ANO2: variants seen among roughly 807,000 people sequenced by gnomAD.
ANO2 encodes anoctamin-2.
A neutral mutation model predicts 124.2 loss-of-function variants in ANO2; 101 were observed. That is an observed-to-expected ratio of 0.81 (90% CI 0.69 to 0.96). The LOEUF (loss-of-function observed/expected upper bound fraction) is 0.96, where lower values mean the gene tolerates loss of function less well. ANO2 is among the 40% of genes least tolerant of loss of function. The pLI is 0.00. For missense variants in ANO2, 1,293 were observed against 1,274.5 expected (o/e 1.01, Z -0.22); for synonymous variants, 486 against 482.5 (o/e 1.01, Z -0.09).
chr12:5,916,731 AAAAAC>A (rs961441160), intron 3 of ANO2, among the ~76,000 whole-genome samples: 7 of 84,680 alleles, frequency 8.3e-5, no homozygotes, highest in East Asian at 3.2e-3. Context: ...ATTTAAAAAA[AAAAAC>A]AAAACACTGT....
intron 15 of ANO2, among the ~76,000 whole-genome samples, chr12:5,643,063 T>TACACACAC (rs67252256): frequency 0.016 from 2,330 of 150,074 alleles, 63 homozygotes; most frequent in African/African-American, 0.054. Flanking sequence ...AAATCCATTT[T>TACACACAC]ACACACACAC....
intron 2 of ANO2, among the ~76,000 whole-genome samples, chr12:5,921,611 T>A (rs149769720): frequency 6.6e-6 from 1 of 152,156 alleles, no homozygotes; most frequent in African/African-American, 2.4e-5. Flanking sequence ...TGCTCCAGCA[T>A]CCATGCACAC....
chr12:5,576,152 T>C, intron 22 of ANO2, 137 bp from the exon 23 acceptor site: 2 of 835,252 alleles, frequency 2.4e-6, no homozygotes, highest in Non-Finnish European at 1.7e-6. Context: ...CCTGAGCTCA[T>C]GCAGCTGAGT....
At chr12:5,724,301 T>C (rs1469075076) in intron 14 of ANO2, among the ~76,000 whole-genome samples, 1 of 152,088 alleles carries the variant, frequency 6.6e-6, no homozygotes, top group East Asian at 1.9e-4. Flanking sequence ...ATTCTTTATG[T>C]TTTTGACCCT....
At chr12:5,667,194 C>T (rs894085988) in intron 14 of ANO2, among the ~76,000 whole-genome samples, 2 of 152,154 alleles carry the variant, frequency 1.3e-5, no homozygotes, top group African/African-American at 4.8e-5. Flanking sequence ...AAACCATAAC[C>T]TTAAGTACAA....
chr12:5,735,667 G>C (rs1344177782), intron 13 of ANO2, among the ~76,000 whole-genome samples: 1 of 152,186 alleles, frequency 6.6e-6, no homozygotes, highest in Non-Finnish European at 1.5e-5. Flanking sequence ...TGTTTTCACT[G>C]AGACACAAAA....
chr12:5,627,017 C>T (rs1945447333), intron 16 of ANO2, among the ~76,000 whole-genome samples: 1 of 152,196 alleles, frequency 6.6e-6, no homozygotes, highest in Admixed American at 6.5e-5. Context: ...GAGATGTGTT[C>T]ATGGTCACAG....
intron 3 of ANO2, among the ~76,000 whole-genome samples, chr12:5,873,776 G>A (rs765516691): frequency 3.9e-5 from 6 of 152,246 alleles, no homozygotes; most frequent in Non-Finnish European, 8.8e-5. Context: ...CTTTGTGCAG[G>A]GGTGGTGAAG....
rs1426879581 is a variant in ANO2, at chr12:5,633,891, T to C, written c.1816+1261A>G. Reference sequence around the variant, plus strand: ...CACTTGGTTTCCTTTGCCAGGAATCTTCCTCTCCTCCTGCCCATCCCCTCC... The same window carrying C: ...CACTTGGTTTCCTTTGCCAGGAATCCTCCTCTCCTCCTGCCCATCCCCTCC... On this transcript the variant is annotated intron_variant, in intron 16 of 24. Transcript: ENST00000682330. Among the ~76,000 whole-genome samples, 4 of 152,142 alleles carry C rather than the reference T, an allele frequency of 2.6e-5. No individual in the cohort carries two copies. The East Asian group carries it at 5.8e-4, about 22-fold the overall frequency.
intron 13 of ANO2, among the ~76,000 whole-genome samples, chr12:5,734,367 T>C (rs896400331): frequency 3.3e-5 from 5 of 152,234 alleles, no homozygotes; most frequent in African/African-American, 1.2e-4. Context: ...ATTATTCCAA[T>C]GGGAGATTTT....
intron 3 of ANO2, among the ~76,000 whole-genome samples, chr12:5,868,062 C>T (rs1013290538): frequency 6.6e-5 from 10 of 151,912 alleles, no homozygotes; most frequent in African/African-American, 2.4e-4. Flanking sequence ...TAAAAGAGTA[C>T]AATTGGATTG....
At chr12:5,786,863 C>T (rs889497123) in intron 10 of ANO2, among the ~76,000 whole-genome samples, 9 of 152,188 alleles carry the variant, frequency 5.9e-5, no homozygotes, top group African/African-American at 1.7e-4. Context: ...GTGCCAAGTT[C>T]ATAGAGTCAC....
At chr12:5,901,922 A>G (rs73047647) in intron 3 of ANO2, among the ~76,000 whole-genome samples, 13,397 of 152,176 alleles carry the variant, frequency 0.088, 1,226 homozygotes, top group African/African-American at 0.23. Flanking sequence ...AATCACACAG[A>G]TGCTATTTGA....
intron 10 of ANO2, among the ~76,000 whole-genome samples, chr12:5,777,604 G>C (rs1185431826): frequency 2.0e-5 from 3 of 152,050 alleles, no homozygotes; most frequent in Non-Finnish European, 4.4e-5. Flanking sequence ...ATATGGATTT[G>C]ATTCCACCTC....
chr12:5,775,606 C>T (rs550319649), intron 10 of ANO2, among the ~76,000 whole-genome samples: 5 of 151,930 alleles, frequency 3.3e-5, no homozygotes, highest in South Asian at 2.1e-4. Flanking sequence ...GGAGTACAGG[C>T]GTCTGCCACC....
intron 3 of ANO2, among the ~76,000 whole-genome samples, chr12:5,907,926 A>G (rs1010561993): frequency 6.6e-6 from 1 of 152,234 alleles, no homozygotes; most frequent in Non-Finnish European, 1.5e-5. Flanking sequence ...CTCAGCCTTC[A>G]GCAGGCAGAG....
intron 4 of ANO2, among the ~76,000 whole-genome samples, chr12:5,845,969 C>T (rs1954673837): frequency 6.6e-6 from 1 of 152,136 alleles, no homozygotes; most frequent in Admixed American, 6.5e-5. Context: ...TCAACTTATA[C>T]TTATAAGACT....
At chr12:5,653,021 C>G (rs755728482) in intron 14 of ANO2, among the ~76,000 whole-genome samples, 1 of 152,146 alleles carries the variant, frequency 6.6e-6, no homozygotes, top group Non-Finnish European at 1.5e-5. Context: ...TAAAGCAGGA[C>G]TGTAAAGAAG....
chr12:5,637,254 T>C (rs960147856), intron 15 of ANO2, among the ~76,000 whole-genome samples: 2 of 152,054 alleles, frequency 1.3e-5, no homozygotes, highest in Non-Finnish European at 2.9e-5. Flanking sequence ...TGAGATTCTT[T>C]TCCCCAAAAA....
Sources: gnomAD v4.1 joint callset for allele counts (sites outside exome capture counted in the v4.1 genomes callset) on GRCh38, gnomAD v4.1.1 for gene constraint, MANE v1.5 for transcripts, NCBI Gene and HGNC (gene_info 2026-07-23, HGNC 2026-07-21) for gene names.